The following KPTN variants were observed in gnomAD, a reference collection of about 807,000 sequenced individuals.
KPTN encodes the protein kaptin, actin binding protein, also known as KICSTOR complex protein kaptin.
In KPTN, 36 loss-of-function variants were observed where a neutral mutation model predicts 52.6. The observed-to-expected ratio is 0.68, with a 90% CI of 0.52 to 0.90. The LOEUF (loss-of-function observed/expected upper bound fraction) is 0.90, where lower values mean the gene tolerates loss of function less well. KPTN is among the 40% of genes least tolerant of loss of function. The pLI is 0.00. For synonymous variants in KPTN, 271 were observed against 248.4 expected (o/e 1.09, Z -0.85); for missense variants, 529 against 576.2 (o/e 0.92, Z 0.84).
Position 47,480,021 on chromosome 19 carries a change from C to G in KPTN, c.710-81G>C, listed in dbSNP as rs566225052. 61 of 1,179,028 alleles carry G rather than the reference C, an allele frequency of 5.2e-5. No homozygotes were observed. The East Asian group carries it at 1.1e-3, about 21-fold the overall frequency. The allele number at this position is 1,179,028 out of a possible 1,614,324, so 73.0% of individuals were successfully genotyped here. ...CCTGAAACCATCGACTTTCCGCCCCCACCGTTCATCCCCACCCTAGCCCCG... is the reference window on the plus strand; with the variant it reads ...CCTGAAACCATCGACTTTCCGCCCCGACCGTTCATCCCCACCCTAGCCCCG... On this transcript the variant is annotated intron_variant, in intron 7 of 11. Coordinates refer to ENST00000338134, the MANE Select transcript of KPTN (RefSeq NM_007059.4).
intron 6 of KPTN, 46 bp from the exon 7 acceptor site, chr19:47,480,453 C>G: frequency 7.3e-7 from 1 of 1,368,942 alleles, no homozygotes; most frequent in African/African-American, 1.4e-5. Flanking sequence ...TTGCTGGGCC[C>G]AGCCCCGCCC....
intron 2 of KPTN, 25 bp from the exon 3 acceptor site, chr19:47,483,404 G>C: frequency 6.2e-7 from 1 of 1,609,816 alleles, no homozygotes; most frequent in Non-Finnish European, 8.5e-7. Context: ...GGGGTTCAGG[G>C]GAGGGCAGGG....
At chr19:47,483,698 A>G in intron 1 of KPTN, 114 bp from the exon 2 acceptor site, 1 of 906,898 alleles carries the variant, frequency 1.1e-6, no homozygotes, top group Non-Finnish European at 1.7e-6. Flanking sequence ...AGTCCTGACC[A>G]CCATCACCTG....
intron 4 of KPTN, among the ~76,000 whole-genome samples, 194 bp from the exon 5 acceptor site, chr19:47,481,227 G>A (rs146907384): frequency 1.3e-5 from 2 of 152,214 alleles, no homozygotes; most frequent in African/African-American, 2.4e-5. Context: ...CTGTAGAAAC[G>A]AGCCCTCATA....
Position 47,475,286 on chromosome 19 carries a change from A to G in KPTN, c.*130T>C. 2 of 1,152,762 alleles carry G rather than the reference A, an allele frequency of 1.7e-6. No individual in the cohort carries two copies. Among genetic ancestry groups the G allele is most frequent in the Non-Finnish European group, 2.4e-6 (2 of 837,324 alleles). 71.4% of individuals were successfully genotyped at this position (1,152,762 alleles called of 1,614,324 possible). On this transcript the variant is annotated 3_prime_UTR_variant, in exon 12 of 12. Coordinates refer to ENST00000338134, the MANE Select transcript of KPTN (RefSeq NM_007059.4). ...AGAGGAGTGGGTTAGCTGGGGCCCC[A>G]GGGCACAGCTTCACCACCCTGGGGA...
At chr19:47,475,971 A>C (rs1967649273) in intron 11 of KPTN, 2 of 146,524 alleles carry the variant, frequency 1.4e-5, no homozygotes, top group South Asian at 2.2e-4. Flanking sequence ...ACAGAGCAAG[A>C]CTCTGTCTCG....
chr19:47,475,942 CTG>C (rs1967648537), intron 11 of KPTN, among the ~76,000 whole-genome samples: 1 of 149,278 alleles, frequency 6.7e-6, no homozygotes. Flanking sequence ...GCCTGGGAAA[CTG>C]CACTCCAGCC....
chr19:47,476,478 C>T (rs1476698802), intron 11 of KPTN, 54 bp downstream of exon 11: 1 of 1,493,150 alleles, frequency 6.7e-7, no homozygotes, highest in African/African-American at 1.6e-5. Context: ...GCCTGCACCC[C>T]CTGCTCGAAA....
intron 5 of KPTN, 54 bp from the exon 6 acceptor site, chr19:47,480,887 A>G: frequency 6.2e-7 from 1 of 1,611,280 alleles, no homozygotes; most frequent in Non-Finnish European, 8.5e-7. Flanking sequence ...TCAGCTTCAC[A>G]CATATACCCA....
rs1408536728 is a variant in KPTN at position 47,484,191 on chromosome 19, C to A, written c.-31G>T. The A allele has an allele frequency of 1.3e-6, 2 of 1,572,464 alleles. No homozygotes were observed. Among genetic ancestry groups the A allele is most frequent in the South Asian group, 1.1e-5 (1 of 88,954 alleles). On this transcript the variant is annotated 5_prime_UTR_variant, in exon 1 of 12. Coordinates refer to ENST00000338134, the MANE Select transcript of KPTN (RefSeq NM_007059.4). Reference sequence around the variant, plus strand: ...TCAGTTAAGCACCCTCTCCGCAGCCCCCGCCCCAACCCGCACTACCCAACC... The same window carrying A: ...TCAGTTAAGCACCCTCTCCGCAGCCACCGCCCCAACCCGCACTACCCAACC...
chr19:47,483,788 C>T (rs1967974848), intron 1 of KPTN, 147 bp downstream of exon 1: 13 of 1,188,864 alleles, frequency 1.1e-5, no homozygotes, highest in African/African-American at 1.5e-5. Flanking sequence ...CGGGCCCCAA[C>T]TATGCCTGCC....
At chr19:47,476,320 A>C in intron 11 of KPTN, 1 of 318,690 alleles carries the variant, frequency 3.1e-6, no homozygotes, top group African/African-American at 2.8e-5. Context: ...AAAATAAAAT[A>C]ATAAATAAAT....
chr19:47,477,958 G>A (rs1460634996), intron 8 of KPTN, among the ~76,000 whole-genome samples, 177 bp from the exon 9 acceptor site: 3 of 152,134 alleles, frequency 2.0e-5, no homozygotes, highest in Non-Finnish European at 2.9e-5. Context: ...TACTCAGGAG[G>A]CTGAGGCAGG....
At chr19:47,480,131 C>T (rs1195810596) in intron 7 of KPTN, among the ~76,000 whole-genome samples, 167 bp downstream of exon 7, 1 of 121,244 alleles carries the variant, frequency 8.2e-6, no homozygotes, top group Non-Finnish European at 1.7e-5. Flanking sequence ...CCTCACCCAG[C>T]AATAGCCCTC....
chr19:47,483,117 T>C, intron 4 of KPTN, 44 bp downstream of exon 4: 2 of 1,589,300 alleles, frequency 1.3e-6, no homozygotes, highest in Non-Finnish European at 1.7e-6. Context: ...CCAGGGTTTC[T>C]ACATTTACAG....
chr19:47,482,074 G>A (rs976146866), intron 4 of KPTN, among the ~76,000 whole-genome samples: 1 of 152,202 alleles, frequency 6.6e-6, no homozygotes. Flanking sequence ...TAGAATCTGG[G>A]AATTCTAGAT....
Position 47,480,341 on chromosome 19 carries a change from C to CT in KPTN, c.665dup (p.Ser223GlufsTer50), listed in dbSNP as rs1295123083. 4 of 1,549,446 alleles carry CT rather than the reference C, an allele frequency of 2.6e-6. No homozygotes were observed. Among genetic ancestry groups the CT allele is most frequent in the Admixed American group, 3.9e-5 (2 of 50,796 alleles). On this transcript the variant is annotated frameshift_variant, in exon 7 of 12. Transcript: ENST00000338134. LOFTEE classifies it high-confidence loss of function. ...CGTGGGCGACACGGACATAACCACT[C>CT]TGACAGCCCAGAGCTGAGAGGCGCC...
In KPTN at chr19:47,476,785, C is replaced by T. The variant is rs1967685024; in HGVS notation, c.999+18G>A. ...TGGAGGGAGGCCGGTGGGTGTGGCT[C>T]CAACTGTCAGGTCCCACCTGTCCAT... is the stretch of plus-strand genomic sequence containing the variant. On this transcript the variant is annotated intron_variant, in intron 10 of 11. Transcript: ENST00000338134. 1 of 1,595,282 alleles carries T rather than the reference C, an allele frequency of 6.3e-7. No individual in the cohort carries two copies. The highest frequency in any genetic ancestry group is 8.5e-7 in the Non-Finnish European group (1 of 1,170,954).
chr19:47,477,003 TGCTAA>T, intron 9 of KPTN, 65 bp from the exon 10 acceptor site: 1 of 1,506,810 alleles, frequency 6.6e-7, no homozygotes. Context: ...CCTTGGCGGA[TGCTAA>T]GCTGGGTACC....
Sources: gnomAD v4.1 joint callset for allele counts (sites outside exome capture counted in the v4.1 genomes callset) on GRCh38, gnomAD v4.1.1 for gene constraint, MANE v1.5 for transcripts, NCBI Gene and HGNC (gene_info 2026-07-23, HGNC 2026-07-21) for gene names.